The following KCNIP4 variants were observed in gnomAD, a reference collection of about 807,000 sequenced individuals.
KCNIP4 encodes the protein potassium voltage-gated channel interacting protein 4.
KCNIP4 carries 12 observed loss-of-function variants against 34.0 expected under a neutral mutation model. The observed-to-expected ratio is 0.35, with a 90% CI of 0.23 to 0.57. The LOEUF is 0.57. Ranked by LOEUF, KCNIP4 falls within the 20% of genes least tolerant of loss-of-function variation. The pLI is 0.83. For synonymous variants in KCNIP4, 124 were observed against 102.2 expected (o/e 1.21, Z -1.29); for missense variants, 238 against 311.7 (o/e 0.76, Z 1.78).
chr4:21,603,165 C>G (rs953008268), intron 1 of KCNIP4, among the ~76,000 whole-genome samples: 1 of 152,070 alleles, frequency 6.6e-6, no homozygotes, highest in Non-Finnish European at 1.5e-5. Flanking sequence ...GATGAATAAA[C>G]TTATTTGAGC....
chr4:21,223,248 T>C (rs1758112181), intron 1 of KCNIP4, among the ~76,000 whole-genome samples: 1 of 152,130 alleles, frequency 6.6e-6, no homozygotes. Context: ...GCCATGCTGC[T>C]GACTTTGAAG....
rs115711493 is a variant in KCNIP4 at position 21,644,959 on chromosome 4, A to C, written c.61+303612T>G. On this transcript the variant is annotated intron_variant, in intron 1 of 8. Coordinates refer to ENST00000382152, the MANE Select transcript of KCNIP4 (RefSeq NM_025221.6). ...AATATCTGAGACTGTGGAATCCAAG[A>C]GTATCTGAGCTTAAAGGTACCCTAG... is the stretch of plus-strand genomic sequence containing the variant. 3.6e-3 allele frequency among the ~76,000 whole-genome samples: 545 copies of C among 152,280 alleles called. 3 individuals are homozygous for C. Among genetic ancestry groups the C allele is most frequent in the African/African-American group, 0.013 (522 of 41,562 alleles).
intron 1 of KCNIP4, among the ~76,000 whole-genome samples, chr4:21,620,528 A>G (rs1331397637): frequency 6.6e-6 from 1 of 152,302 alleles, no homozygotes; most frequent in East Asian, 1.9e-4. Context: ...TAAGTAAAAA[A>G]ATACAGTAGG....
intron 2 of KCNIP4, among the ~76,000 whole-genome samples, chr4:20,880,670 A>G (rs1383120052): frequency 6.6e-6 from 1 of 152,184 alleles, no homozygotes; most frequent in African/African-American, 2.4e-5. Flanking sequence ...TTACCTATCT[A>G]CAGTGTACAA....
intron 1 of KCNIP4, among the ~76,000 whole-genome samples, chr4:21,106,904 A>G (rs1274831044): frequency 6.6e-6 from 1 of 150,952 alleles, no homozygotes; most frequent in Admixed American, 6.6e-5. Flanking sequence ...GTAGTTGAGC[A>G]GTTTTGAGTG....
intron 1 of KCNIP4, among the ~76,000 whole-genome samples, chr4:20,899,689 T>C (rs1726954378): frequency 6.6e-6 from 1 of 152,230 alleles, no homozygotes; most frequent in Non-Finnish European, 1.5e-5. Flanking sequence ...GTCAAGAATT[T>C]CATAACTTCA....
At chr4:20,817,926 A>C (rs968287666) in intron 3 of KCNIP4, among the ~76,000 whole-genome samples, 9 of 152,176 alleles carry the variant, frequency 5.9e-5, no homozygotes, top group African/African-American at 1.9e-4. Flanking sequence ...TTGGGTACCC[A>C]CAATTGTCAG....
At chr4:21,243,047 TTTC>T (rs1577951104) in intron 1 of KCNIP4, among the ~76,000 whole-genome samples, 1 of 152,116 alleles carries the variant, frequency 6.6e-6, no homozygotes, top group African/African-American at 2.4e-5. Context: ...GTGATCAATA[TTTC>T]TTATCACTAA....
chr4:21,528,675 C>CGAAAG (rs201801139), intron 1 of KCNIP4, among the ~76,000 whole-genome samples: 1 of 84,182 alleles, frequency 1.2e-5, no homozygotes, highest in African/African-American at 5.0e-5. Context: ...TCATAAAAAA[C>CGAAAG]AAAGAAAGAA....
chr4:21,090,189 C>T (rs1033906174), intron 1 of KCNIP4, among the ~76,000 whole-genome samples: 19 of 152,158 alleles, frequency 1.2e-4, no homozygotes, highest in African/African-American at 4.6e-4. Context: ...GTTCTCATTA[C>T]ACATATTTTT....
At chr4:21,220,399 G>C (rs1014998410) in intron 1 of KCNIP4, among the ~76,000 whole-genome samples, 1 of 152,100 alleles carries the variant, frequency 6.6e-6, no homozygotes, top group Non-Finnish European at 1.5e-5. Context: ...TCACACACCG[G>C]GGCCTGTTAT....
chr4:21,124,240 A>C (rs1006609304), intron 1 of KCNIP4, among the ~76,000 whole-genome samples: 1 of 152,170 alleles, frequency 6.6e-6, no homozygotes, highest in Non-Finnish European at 1.5e-5. Context: ...TTATGAGAGA[A>C]TGAGAAAGAA....
chr4:20,736,289 G>T lies in KCNIP4; in HGVS notation c.430-1554C>A, dbSNP rs1222592219. Among the ~76,000 whole-genome samples, 4 of 152,034 alleles carry T rather than the reference G, an allele frequency of 2.6e-5. No homozygotes were observed. In the East Asian group the frequency reaches 7.7e-4, roughly 29 times the overall value. On this transcript the variant is annotated intron_variant, in intron 5 of 8. Coordinates refer to ENST00000382152, the MANE Select transcript of KCNIP4 (RefSeq NM_025221.6). ...CAGGGAAACAATTTGAGTTTCCATT[G>T]TATATGTAAATACATCGTAGTTTAT... is the stretch of plus-strand genomic sequence containing the variant.
At chr4:21,627,419 T>C (rs1745419526) in intron 1 of KCNIP4, among the ~76,000 whole-genome samples, 1 of 152,132 alleles carries the variant, frequency 6.6e-6, no homozygotes, top group Non-Finnish European at 1.5e-5. Context: ...CAAAAAACTG[T>C]TAATCCTCAT....
intron 1 of KCNIP4, among the ~76,000 whole-genome samples, chr4:21,674,305 C>T (rs1415701998): frequency 6.6e-6 from 1 of 152,126 alleles, no homozygotes; most frequent in Non-Finnish European, 1.5e-5. Context: ...TACATTTCTA[C>T]CTTATATACA....
At chr4:21,654,684 G>A (rs976043127) in intron 1 of KCNIP4, among the ~76,000 whole-genome samples, 1 of 152,044 alleles carries the variant, frequency 6.6e-6, no homozygotes, top group Non-Finnish European at 1.5e-5. Context: ...AGCACTTTGG[G>A]ACGCCGAGGC....
chr4:21,947,056 A>G (rs1271629476), intron 1 of KCNIP4, among the ~76,000 whole-genome samples: 1 of 152,164 alleles, frequency 6.6e-6, no homozygotes, highest in East Asian at 1.9e-4. Flanking sequence ...CCAGATCCTG[A>G]GACGACATTC....
Position 21,131,234 on chromosome 4 carries a change from T to C in KCNIP4, c.62-248525A>G, listed in dbSNP as rs142638963. 2.0e-5 allele frequency among the ~76,000 whole-genome samples: 3 copies of C among 152,308 alleles called. No individual in the cohort carries two copies. The East Asian group carries it at 5.8e-4, about 29-fold the overall frequency. ...GGATACCATGTAGCAACAAGAATCCTATAAACGCATGCAATGATGTAGATG... is the reference window on the plus strand; with the variant it reads ...GGATACCATGTAGCAACAAGAATCCCATAAACGCATGCAATGATGTAGATG... On this transcript the variant is annotated intron_variant, in intron 1 of 8. Coordinates refer to ENST00000382152, the MANE Select transcript of KCNIP4 (RefSeq NM_025221.6).
At chr4:20,893,548 A>C (rs953079002) in intron 1 of KCNIP4, among the ~76,000 whole-genome samples, 4 of 151,238 alleles carry the variant, frequency 2.6e-5, no homozygotes, top group African/African-American at 9.7e-5. Flanking sequence ...TCAGCCTCCC[A>C]AGTAGCTGGG....
Sources: gnomAD v4.1 joint callset for allele counts (sites outside exome capture counted in the v4.1 genomes callset) on GRCh38, gnomAD v4.1.1 for gene constraint, MANE v1.5 for transcripts, NCBI Gene and HGNC (gene_info 2026-07-23, HGNC 2026-07-21) for gene names.